Variants in HAVCR2 observed in about 807,000 individuals in gnomAD.
The protein encoded by HAVCR2 is T cell immunoglobulin mucin 3.
HAVCR2 carries 13 observed loss-of-function variants against 24.7 expected under a neutral mutation model. The ratio of observed to expected loss-of-function variants is 0.53; its 90% CI spans 0.34 to 0.84. The LOEUF is 0.84. Among genes scored for constraint, HAVCR2 ranks in the 40% least tolerant of loss-of-function variants. HAVCR2 has a pLI of 0.01. For missense variants in HAVCR2, 343 were observed against 371.2 expected (o/e 0.92, Z 0.62); for synonymous variants, 154 against 143.4 (o/e 1.07, Z -0.53).
intron 1 of HAVCR2, 100 bp from the exon 2 acceptor site, chr5:157,107,062 T>C: frequency 2.1e-6 from 2 of 937,772 alleles, no homozygotes; most frequent in Non-Finnish European, 3.2e-6. Flanking sequence ...AAGAGGAAGC[T>C]ACTGCTGCAG....
At chr5:157,090,850 G>A (rs1239327767) in intron 5 of HAVCR2, among the ~76,000 whole-genome samples, 2 of 152,130 alleles carry the variant, frequency 1.3e-5, no homozygotes, top group Non-Finnish European at 2.9e-5. Flanking sequence ...TTCTGTTGTT[G>A]TTTTTCTCTG....
Position 157,106,960 on chromosome 5 carries a change from A to G in HAVCR2, c.61T>C (p.Ser21Pro). ...TCCGCTCTGTATTCCACTTCTGAGG[A>G]CCCTGCATAGAGAGAGAAGGAGAGC... is the stretch of plus-strand genomic sequence containing the variant. The part of the protein sequence containing the change: ...LLLLLLLLTR[S>P]SEVEYRAEVG... Residue 21 changes from serine to proline, a missense_variant and splice_region_variant, in exon 2 of 7, where the codon TCC becomes CCC. Transcript: ENST00000307851. 1 of 1,609,928 alleles carries G rather than the reference A, an allele frequency of 6.2e-7. No homozygotes were observed. Among genetic ancestry groups the G allele is most frequent in the Non-Finnish European group, 8.5e-7 (1 of 1,177,504 alleles).
chr5:157,100,221 C>G (rs1757149500), intron 3 of HAVCR2, among the ~76,000 whole-genome samples: 1 of 152,150 alleles, frequency 6.6e-6, no homozygotes, highest in South Asian at 2.1e-4. Context: ...GATGAAGAAA[C>G]TGAAAATTAG....
chr5:157,099,955 C>T (rs978037087), intron 3 of HAVCR2, among the ~76,000 whole-genome samples: 6 of 152,244 alleles, frequency 3.9e-5, no homozygotes, highest in Non-Finnish European at 8.8e-5. Context: ...CTCGGCCTCC[C>T]AAAGTGCTGG....
At chr5:157,090,122 CTTTTTTTTTT>C (rs869177923) in intron 5 of HAVCR2, among the ~76,000 whole-genome samples, 21 of 65,576 alleles carry the variant, frequency 3.2e-4, no homozygotes, top group South Asian at 6.3e-4. Context: ...CTTTTCTTTT[CTTTTTTTTTT>C]TTTTTTTTTT....
intron 5 of HAVCR2, among the ~76,000 whole-genome samples, chr5:157,091,558 T>C (rs1757001176): frequency 6.6e-6 from 1 of 151,992 alleles, no homozygotes; most frequent in African/African-American, 2.4e-5. Context: ...TAGATGATGG[T>C]GGGTCAAGGA....
At chr5:157,087,855 G>T (rs112866973) in intron 6 of HAVCR2, among the ~76,000 whole-genome samples, 1 of 149,140 alleles carries the variant, frequency 6.7e-6, no homozygotes, top group Non-Finnish European at 1.5e-5. Flanking sequence ...GTGAGCCGAG[G>T]TTGTGCCACT....
intron 5 of HAVCR2, among the ~76,000 whole-genome samples, chr5:157,090,122 CTT>C (rs869177923): frequency 6.1e-5 from 4 of 65,580 alleles, no homozygotes; most frequent in Non-Finnish European, 8.0e-5. Context: ...CTTTTCTTTT[CTT>C]TTTTTTTTTT....
intron 1 of HAVCR2, 69 bp from the exon 2 acceptor site, chr5:157,107,031 C>A: frequency 7.9e-7 from 1 of 1,260,328 alleles, no homozygotes; most frequent in South Asian, 1.4e-5. Context: ...AGGAAAACTG[C>A]AAGCCATGTC....
chr5:157,092,913 A>AAAAAAAAAAAATAAAAAT (rs1561619880), intron 5 of HAVCR2, among the ~76,000 whole-genome samples: 3 of 122,972 alleles, frequency 2.4e-5, no homozygotes, highest in African/African-American at 9.3e-5. Context: ...AAAAAAAAAA[A>AAAAAAAAAAAATAAAAAT]AAAAACTAGC....
At chr5:157,095,707 T>TA (rs35269370) in intron 4 of HAVCR2, among the ~76,000 whole-genome samples, 97,735 of 129,906 alleles carry the variant, frequency 0.75, 36,776 homozygotes, top group East Asian at 0.91. Flanking sequence ...AAGGAGCTCT[T>TA]AAAAAAAAAA....
intron 4 of HAVCR2, 139 bp from the exon 5 acceptor site, chr5:157,095,598 A>G: frequency 1.1e-6 from 1 of 904,102 alleles, no homozygotes; most frequent in East Asian, 2.6e-5. Context: ...TTGATCTGTC[A>G]CCTTGTAGCC....
At position 157,090,558 on chromosome 5, in the gene HAVCR2, C is replaced by T. The variant is rs143471419; in HGVS notation, c.677-1581G>A. Among the ~76,000 whole-genome samples, 290 of 152,204 alleles carry T rather than the reference C, an allele frequency of 1.9e-3. 1 individual carries two copies. Among genetic ancestry groups the T allele is most frequent in the African/African-American group, 6.5e-3 (272 of 41,536 alleles). On this transcript the variant is annotated intron_variant, in intron 5 of 6. Transcript: ENST00000307851. The stretch of plus-strand genomic sequence containing the variant: ...GCAGTGAGCCATGATCACACCACTG[C>T]ACTCCAGCCTGGGTGAATCTCAATA...
intron 4 of HAVCR2, among the ~76,000 whole-genome samples, chr5:157,096,611 T>C (rs1757097575): frequency 6.6e-6 from 1 of 151,954 alleles, no homozygotes; most frequent in Admixed American, 6.6e-5. Flanking sequence ...ACCCCATCTC[T>C]ACTAAAAATA....
intron 5 of HAVCR2, among the ~76,000 whole-genome samples, chr5:157,093,126 C>T (rs1214104585): frequency 6.7e-6 from 1 of 148,326 alleles, no homozygotes; most frequent in Admixed American, 6.8e-5. Context: ...TATATATATT[C>T]ATGTGATCAA....
intron 6 of HAVCR2, among the ~76,000 whole-genome samples, chr5:157,088,677 A>C (rs1291937608): frequency 1.3e-5 from 2 of 152,198 alleles, no homozygotes; most frequent in African/African-American, 4.8e-5. Context: ...AAAAACCATT[A>C]ATATCGAGAT....
In HAVCR2 at chr5:157,106,624, C is replaced by T; in HGVS notation, c.394+3G>A. ...TAAAGATGGCATGCAAATGTCCACT[C>T]ACCTGGTTTGATGACCAACTTCAGG... On this transcript the variant is annotated splice_donor_region_variant and intron_variant, in intron 2 of 6. Transcript: ENST00000307851. 6.2e-7 allele frequency: 1 copy of T among 1,610,940 alleles called. No individual in the cohort carries two copies. Among genetic ancestry groups the T allele is most frequent in the Non-Finnish European group, 8.5e-7 (1 of 1,177,130 alleles).
intron 5 of HAVCR2, among the ~76,000 whole-genome samples, chr5:157,093,906 C>G (rs1757051036): frequency 1.3e-5 from 2 of 152,124 alleles, no homozygotes. Flanking sequence ...GATCGTGCCA[C>G]TGCACTCCAG....
intron 3 of HAVCR2, among the ~76,000 whole-genome samples, chr5:157,100,642 C>T (rs1240425521): frequency 1.3e-5 from 2 of 152,190 alleles, no homozygotes; most frequent in African/African-American, 4.8e-5. Flanking sequence ...TCACTGTCAC[C>T]TTCTGGAAGC....
Sources: gnomAD v4.1 joint callset for allele counts (sites outside exome capture counted in the v4.1 genomes callset) on GRCh38, gnomAD v4.1.1 for gene constraint, MANE v1.5 for transcripts, NCBI Gene and HGNC (gene_info 2026-07-23, HGNC 2026-07-21) for gene names.